Variants in MS4A2 observed in about 807,000 individuals in gnomAD.
The protein encoded by MS4A2 is high affinity immunoglobulin epsilon receptor subunit beta.
Under a neutral mutation model 27.9 loss-of-function variants are expected in MS4A2, and 26 were observed. That is an observed-to-expected ratio of 0.93 (90% CI 0.68 to 1.29). MS4A2 has a LOEUF of 1.29. Among genes scored for constraint, MS4A2 ranks in the 50% most tolerant of loss-of-function variants. MS4A2 has a pLI of 0.00. For missense variants in MS4A2, 284 were observed against 284.6 expected (o/e 1.00, Z 0.01); for synonymous variants, 110 against 98.8 (o/e 1.11, Z -0.67).
At chr11:60,093,268 G>A in intron 4 of MS4A2, 132 bp from the exon 5 acceptor site, 1 of 1,117,698 alleles carries the variant, frequency 8.9e-7, no homozygotes, top group African/African-American at 1.6e-5. Context: ...CATTTTCAGG[G>A]TTTCCCTTTT....
At chr11:60,095,445 C>T (rs1855851939) in intron 6 of MS4A2, 113 bp from the exon 7 acceptor site, 1 of 733,734 alleles carries the variant, frequency 1.4e-6, no homozygotes, top group South Asian at 1.5e-5. Context: ...AGTTTAATGA[C>T]AGAGAGCGTG....
chr11:60,092,259 C>G (rs998803093), intron 3 of MS4A2, among the ~76,000 whole-genome samples: 10 of 151,476 alleles, frequency 6.6e-5, no homozygotes, highest in Middle Eastern at 3.5e-3. Context: ...GAATAAGAAT[C>G]TGCATTTTAG....
Position 60,095,578 on chromosome 11 carries a change from T to C in MS4A2, c.657T>C (p.Tyr219=). The C allele has an allele frequency of 6.2e-7, 1 of 1,610,098 alleles. No homozygotes were observed. The highest frequency in any genetic ancestry group is 1.1e-5 in the South Asian group (1 of 91,008). The change falls in exon 7 of 7, where the codon TAT becomes TAC. Residue 219 remains tyrosine (Y), a synonymous_variant. Coordinates refer to ENST00000278888, the MANE Select transcript of MS4A2 (RefSeq NM_000139.5). ...KGNKVPEDRV[Y]EELNIYSATY... is the part of the protein sequence containing the mutation. ...ATCAGGTTCCAGAGGATCGTGTTTA[T>C]GAAGAATTAAACATATATTCAGCTA...
intron 1 of MS4A2, 114 bp from the exon 2 acceptor site, chr11:60,089,578 G>C: frequency 7.2e-7 from 1 of 1,389,258 alleles, no homozygotes; most frequent in Non-Finnish European, 1.0e-6. Context: ...ATGAAGATTT[G>C]AATTACAGGA....
At chr11:60,092,704 T>C in intron 3 of MS4A2, 88 bp from the exon 4 acceptor site, 4 of 1,194,106 alleles carry the variant, frequency 3.3e-6, no homozygotes, top group Non-Finnish European at 4.9e-6. Flanking sequence ...GTACCCCAAA[T>C]GTTACCTATG....
At chr11:60,093,802 T>TGTGTGTGTGTG (rs1855815939) in intron 5 of MS4A2, 162 bp from the exon 6 acceptor site, 1 of 596,346 alleles carries the variant, frequency 1.7e-6, no homozygotes, top group African/African-American at 1.9e-5. Context: ...GTGCCTGTGT[T>TGTGTGTGTGTG]TGTGTGTGTG....
intron 2 of MS4A2, among the ~76,000 whole-genome samples, 173 bp from the exon 3 acceptor site, chr11:60,090,163 G>T (rs1468797851): frequency 6.6e-6 from 1 of 152,188 alleles, no homozygotes; most frequent in African/African-American, 2.4e-5. Context: ...GGTAGTGCTT[G>T]TATCAATTCT....
chr11:60,094,255 T>C (rs1412245242), intron 6 of MS4A2, among the ~76,000 whole-genome samples, 193 bp downstream of exon 6: 1 of 152,230 alleles, frequency 6.6e-6, no homozygotes, highest in Non-Finnish European at 1.5e-5. Context: ...TTTCATAATA[T>C]ATCCCTCTGA....
intron 1 of MS4A2, 128 bp from the exon 2 acceptor site, chr11:60,089,564 T>C: frequency 4.0e-6 from 5 of 1,260,574 alleles, no homozygotes; most frequent in Non-Finnish European, 5.7e-6. Flanking sequence ...TCTTGGTGAT[T>C]ACAATGAAGA....
rs1855858787 is a variant in MS4A2 at position 60,095,740 on chromosome 11, T to TGGCTGGAAA, written c.*84_*85insGGCTGGAAA. ...GTTAAGGGGCTACTGGAAAAATTTC[T>TGGCTGGAAA]ATTCTCTCCACAGCCTGCTGGTTTT... On this transcript the variant is annotated 3_prime_UTR_variant, in exon 7 of 7. Transcript: ENST00000278888. 1 of 850,548 alleles carries TGGCTGGAAA rather than the reference T, an allele frequency of 1.2e-6. No individual in the cohort carries two copies. The highest frequency in any genetic ancestry group is 2.0e-6 in the Non-Finnish European group (1 of 492,042). The allele number at this position is 850,548 out of a possible 1,614,324, so 52.7% of individuals were successfully genotyped here.
chr11:60,093,917 G>GA, intron 5 of MS4A2, 47 bp from the exon 6 acceptor site: 1 of 1,458,690 alleles, frequency 6.9e-7, no homozygotes, highest in Non-Finnish European at 9.6e-7. Context: ...CTTTTGGGGC[G>GA]AATACCATGT....
intron 5 of MS4A2, 59 bp downstream of exon 5, chr11:60,093,617 G>A: frequency 6.3e-7 from 1 of 1,593,324 alleles, no homozygotes; most frequent in Non-Finnish European, 8.6e-7. Flanking sequence ...TAAGTAAGAA[G>A]CCCTCTTCTC....
At chr11:60,091,813 T>A (rs1855764425) in intron 3 of MS4A2, among the ~76,000 whole-genome samples, 1 of 152,226 alleles carries the variant, frequency 6.6e-6, no homozygotes, top group Non-Finnish European at 1.5e-5. Context: ...ACCTCTGTTA[T>A]AATTGAAACT....
At position 60,091,259 on chromosome 11, in the gene MS4A2, A is replaced by G. The variant is rs77124546; in HGVS notation, c.321+789A>G. On this transcript the variant is annotated intron_variant, in intron 3 of 6. Transcript: ENST00000278888. ...ATCAAAGGGCATATGGTGACCTTCT[A>G]TGCCCTAGAAACTCTTTTAGGTATT... Among the ~76,000 whole-genome samples the G allele has an allele frequency of 5.0e-3, 755 of 152,342 alleles. 8 individuals are homozygous for G. The highest frequency in any genetic ancestry group is 0.017 in the African/African-American group (714 of 41,576).
chr11:60,090,893 C>T (rs866581365), intron 3 of MS4A2, among the ~76,000 whole-genome samples: 4 of 152,110 alleles, frequency 2.6e-5, no homozygotes, highest in East Asian at 1.9e-4. Flanking sequence ...GGCTCACACC[C>T]GTAATCCCAG....
intron 2 of MS4A2, 134 bp from the exon 3 acceptor site, chr11:60,090,202 T>C: frequency 1.1e-6 from 1 of 928,236 alleles, no homozygotes; most frequent in Non-Finnish European, 1.7e-6. Context: ...CTGGAAAATC[T>C]TACGTGTGGA....
chr11:60,093,892 C>A, intron 5 of MS4A2, 72 bp from the exon 6 acceptor site: 1 of 1,143,152 alleles, frequency 8.7e-7, no homozygotes, highest in Non-Finnish European at 1.3e-6. Context: ...ACAGGAGATG[C>A]TATAAGAAAA....
In MS4A2 at chr11:60,089,832, C is replaced by T. The variant is rs1855725227; in HGVS notation, c.186+11C>T. 3 of 1,613,702 alleles carry T rather than the reference C, an allele frequency of 1.9e-6. No individual in the cohort carries two copies. The highest frequency in any genetic ancestry group is 1.3e-5 in the African/African-American group (1 of 74,902). On this transcript the variant is annotated intron_variant, in intron 2 of 6. Coordinates refer to ENST00000278888, the MANE Select transcript of MS4A2 (RefSeq NM_000139.5). ...CAGGAGTTCCTGGGGGTGAGTGAGC[C>T]TCCTCCAACTTTGACTAGAGTAAGG...
rs778834315 is a variant in MS4A2 at position 60,090,386 on chromosome 11, C to T, written c.237C>T (p.Val79=). Residue 79 remains valine, a synonymous_variant, in exon 3 of 7, where the codon GTC becomes GTT. Transcript: ENST00000278888. The part of the protein sequence containing the change: ...AMICLCFGTV[V]CSVLDISHIE... ...TATGCCTTTGTTTTGGAACAGTTGT[C>T]TGCTCTGTACTTGATATTTCACACA... The T allele has an allele frequency of 6.2e-7, 1 of 1,613,356 alleles. No homozygotes were observed. The highest frequency in any genetic ancestry group is 1.3e-5 in the African/African-American group (1 of 75,014).
Sources: gnomAD v4.1 joint callset for allele counts (sites outside exome capture counted in the v4.1 genomes callset) on GRCh38, gnomAD v4.1.1 for gene constraint, MANE v1.5 for transcripts, NCBI Gene and HGNC (gene_info 2026-07-23, HGNC 2026-07-21) for gene names.